RNF144B: variants seen among roughly 807,000 people sequenced by gnomAD.
RNF144B encodes the protein ring finger protein 144B.
A neutral mutation model predicts 40.2 loss-of-function variants in RNF144B; 25 were observed. The ratio of observed to expected loss-of-function variants is 0.62; its 90% CI spans 0.45 to 0.87. The LOEUF (loss-of-function observed/expected upper bound fraction) is 0.87. Among genes scored for constraint, RNF144B ranks in the 40% least tolerant of loss-of-function variants. RNF144B has a pLI of 0.00. For missense variants in RNF144B, 365 were observed against 373.7 expected, an observed-to-expected ratio of 0.98 and a Z score of 0.19; for synonymous variants, 145 against 136.3, an observed-to-expected ratio of 1.06 and a Z score of -0.44.
At chr6:18,449,997 CAG>C (rs985678303) in intron 4 of RNF144B, among the ~76,000 whole-genome samples, 3 of 152,164 alleles carry the variant, frequency 2.0e-5, no homozygotes, top group African/African-American at 7.2e-5. Context: ...TGCTTTCAGA[CAG>C]AGTTACCAAT....
rs988185211 is a variant in RNF144B at position 18,457,864 on chromosome 6, C to T, written c.536+505C>T. 1.4e-4 allele frequency among the ~76,000 whole-genome samples: 22 copies of T among 152,176 alleles called. No homozygotes were observed. Among genetic ancestry groups the T allele is most frequent in the Admixed American group, 2.6e-4 (4 of 15,274 alleles). ...GAGGGTTCTCTCATGATATTTTATG[C>T]TCTGTAAAGGTTGAGATTTTATCGT... On this transcript the variant is annotated intron_variant, in intron 5 of 7. Coordinates refer to ENST00000259939, the MANE Select transcript of RNF144B (RefSeq NM_182757.4). The surrounding 1 kb of genome is among the most constrained non-coding windows in gnomAD (Gnocchi z 5.1).
chr6:18,398,475 G>A lies in RNF144B; in HGVS notation c.-36-1024G>A, dbSNP rs1482366806. On this transcript the variant is annotated intron_variant, in intron 1 of 7. Coordinates refer to ENST00000259939, the MANE Select transcript of RNF144B (RefSeq NM_182757.4). The surrounding 1 kb of genome is among the most constrained non-coding windows in gnomAD (Gnocchi z 5.0). ...CAACCTCTGCCTCCTGGGTTCAAGT[G>A]ATTCTCCCGCCTCAGCCTCCTGAGT... Among the ~76,000 whole-genome samples, 3 of 152,200 alleles carry A rather than the reference G, an allele frequency of 2.0e-5. No homozygotes were observed.
In RNF144B at chr6:18,422,361, A is replaced by T. The variant is rs1278874387; in HGVS notation, c.166-5220A>T. ...TTTAGAACACACTGGAAACATTGTGATGTCATTGTGCACTGAGGCAGGGAA... is the reference window on the plus strand; with the variant it reads ...TTTAGAACACACTGGAAACATTGTGTTGTCATTGTGCACTGAGGCAGGGAA... On this transcript the variant is annotated intron_variant, in intron 2 of 7. Coordinates refer to ENST00000259939, the MANE Select transcript of RNF144B (RefSeq NM_182757.4). The surrounding 1 kb of genome is among the most constrained non-coding windows in gnomAD (Gnocchi z 4.7). Among the ~76,000 whole-genome samples, 3 of 152,270 alleles carry T rather than the reference A, an allele frequency of 2.0e-5. No individual in the cohort carries two copies. The East Asian group carries it at 5.8e-4, about 29-fold the overall frequency.
At chr6:18,394,604 C>T (rs2113455209) in intron 1 of RNF144B, among the ~76,000 whole-genome samples, 1 of 138,820 alleles carries the variant, frequency 7.2e-6, no homozygotes, top group African/African-American at 2.7e-5. Flanking sequence ...TCCCCTACCC[C>T]CCAACCAAGA....
chr6:18,392,672 G>T (rs1794608841), intron 1 of RNF144B, among the ~76,000 whole-genome samples: 2 of 152,116 alleles, frequency 1.3e-5, no homozygotes, highest in African/African-American at 2.4e-5. Flanking sequence ...GAAAACAGAA[G>T]TCCTCTTCTC....
chr6:18,407,767 A>G (rs1187857043), intron 2 of RNF144B, among the ~76,000 whole-genome samples: 1 of 152,042 alleles, frequency 6.6e-6, no homozygotes, highest in Non-Finnish European at 1.5e-5. Flanking sequence ...TCTTTTTTTT[A>G]GAGGGCGGAC....
Position 18,406,186 on chromosome 6 carries a change from C to T in RNF144B, c.165+6487C>T, listed in dbSNP as rs1794900138. ...AGACATAGATGCTAACAAGTAAATA[C>T]AGAAGTCAGGTGATGGTTTGTGCTA... On this transcript the variant is annotated intron_variant, in intron 2 of 7. Transcript: ENST00000259939. The surrounding 1 kb of genome is among the most constrained non-coding windows in gnomAD (Gnocchi z 4.2). The T allele has an allele frequency of 7.7e-6, 4 of 518,244 alleles. No homozygotes were observed. The highest frequency in any genetic ancestry group is 5.6e-5 in the South Asian group (4 of 71,502). 32.1% of individuals were successfully genotyped at this position (518,244 alleles called of 1,614,324 possible). A position where few individuals can be genotyped will look rare whatever the true frequency, so the allele number is the denominator to read the frequency against.
chr6:18,464,858 T>G lies in RNF144B; in HGVS notation c.772-69T>G. On this transcript the variant is annotated intron_variant, in intron 7 of 7. Coordinates refer to ENST00000259939, the MANE Select transcript of RNF144B (RefSeq NM_182757.4). This position sits in a 1 kb window ranked among gnomAD's most constrained non-coding sequence, Gnocchi z 6.1. ...ACATTTGGCCCACAGCAGATAACAG[T>G]ATAGTTGGAATAAGTATACATATTG... 6.8e-7 allele frequency: 1 copy of G among 1,472,904 alleles called. No homozygotes were observed. Among genetic ancestry groups the G allele is most frequent in the Non-Finnish European group, 9.4e-7 (1 of 1,059,632 alleles). 91.2% of individuals were successfully genotyped at this position (1,472,904 alleles called of 1,614,324 possible). A position where few individuals can be genotyped will look rare whatever the true frequency, so the allele number is the denominator to read the frequency against.
chr6:18,402,893 C>T (rs879315572), intron 2 of RNF144B, among the ~76,000 whole-genome samples: 1 of 152,118 alleles, frequency 6.6e-6, no homozygotes, highest in African/African-American at 2.4e-5. Flanking sequence ...TAATATAAAG[C>T]AAGAGAAGCT....
chr6:18,387,981 TA>T (rs2113446249), intron 1 of RNF144B, among the ~76,000 whole-genome samples: 1 of 152,300 alleles, frequency 6.6e-6, no homozygotes, highest in Admixed American at 6.5e-5. Context: ...TTTTATCAGG[TA>T]ATTGCTAATG....
chr6:18,396,764 A>C, intron 1 of RNF144B: 2 of 985,412 alleles, frequency 2.0e-6, no homozygotes, highest in Non-Finnish European at 2.4e-6. Flanking sequence ...TGAGCCCGGG[A>C]GTACTGGAGA....
chr6:18,458,110 C>T lies in RNF144B; in HGVS notation c.536+751C>T, dbSNP rs1356630912. On this transcript the variant is annotated intron_variant, in intron 5 of 7. Coordinates refer to ENST00000259939, the MANE Select transcript of RNF144B (RefSeq NM_182757.4). The surrounding 1 kb of genome is among the most constrained non-coding windows in gnomAD (Gnocchi z 4.8). ...TTGCCACCACGCCTGGCTAATTTTTCTATTTTTAGTAGAGATGGGGTTTCA... is the reference window on the plus strand; with the variant it reads ...TTGCCACCACGCCTGGCTAATTTTTTTATTTTTAGTAGAGATGGGGTTTCA... Among the ~76,000 whole-genome samples, 3 of 151,972 alleles carry T rather than the reference C, an allele frequency of 2.0e-5. No homozygotes were observed. The highest frequency in any genetic ancestry group is 6.6e-5 in the Admixed American group (1 of 15,254).
intron 2 of RNF144B, among the ~76,000 whole-genome samples, chr6:18,424,715 A>G (rs1380596239): frequency 2.6e-5 from 4 of 152,356 alleles, no homozygotes; most frequent in East Asian, 1.9e-4. Flanking sequence ...GTGTTTGCCT[A>G]TAAGGACTCA....
intron 4 of RNF144B, among the ~76,000 whole-genome samples, chr6:18,452,003 C>T (rs1408672607): frequency 6.6e-6 from 1 of 152,084 alleles, no homozygotes; most frequent in Non-Finnish European, 1.5e-5. Context: ...GAAATCATAA[C>T]ATACTTTCAA....
At position 18,414,071 on chromosome 6, in the gene RNF144B, T is replaced by C. The variant is rs181632145; in HGVS notation, c.166-13510T>C. ...TTTGCAGGATAAATCCTCGGGGGAA[T>C]ATTGTGAGGTGAGGAATAGTCGTGG... On this transcript the variant is annotated intron_variant, in intron 2 of 7. Transcript: ENST00000259939. The surrounding 1 kb of genome is among the most constrained non-coding windows in gnomAD (Gnocchi z 4.9). Among the ~76,000 whole-genome samples the C allele has an allele frequency of 2.6e-5, 4 of 152,268 alleles. No homozygotes were observed. Among genetic ancestry groups the C allele is most frequent in the Non-Finnish European group, 4.4e-5 (3 of 68,016 alleles).
intron 4 of RNF144B, among the ~76,000 whole-genome samples, chr6:18,455,344 A>T (rs1490784430): frequency 6.6e-6 from 1 of 152,212 alleles, no homozygotes; most frequent in East Asian, 1.9e-4. Flanking sequence ...TTTTTGAATG[A>T]AAACTTATAA....
chr6:18,411,489 ATATATATATTT>A (rs1434831634), intron 2 of RNF144B, among the ~76,000 whole-genome samples: 29 of 21,330 alleles, frequency 1.4e-3, no homozygotes, highest in Admixed American at 2.9e-3. Context: ...ATATATATAT[ATATATATATTT>A]TTTTTTTTTT....
chr6:18,438,146 G>A (rs934351731), intron 3 of RNF144B, among the ~76,000 whole-genome samples: 1 of 152,180 alleles, frequency 6.6e-6, no homozygotes, highest in Non-Finnish European at 1.5e-5. Context: ...TAGCGACAAA[G>A]TCAGGAACTG....
intron 4 of RNF144B, among the ~76,000 whole-genome samples, chr6:18,453,449 T>G (rs1759259131): frequency 6.6e-6 from 1 of 152,104 alleles, no homozygotes; most frequent in South Asian, 2.1e-4. Flanking sequence ...GCTTTTTTTT[T>G]GTTTGTTTTT....
Sources: gnomAD v4.1 joint callset for allele counts (sites outside exome capture counted in the v4.1 genomes callset) on GRCh38, gnomAD v4.1.1 for gene constraint, Gnocchi (gnomAD v3.1) non-coding constraint, MANE v1.5 for transcripts, NCBI Gene and HGNC (gene_info 2026-07-23, HGNC 2026-07-21) for gene names.